FLRT2: variants seen among roughly 807,000 people sequenced by gnomAD.
The protein encoded by FLRT2 is fibronectin leucine rich transmembrane protein 2.
Under a neutral mutation model 40.0 loss-of-function variants are expected in FLRT2, and 15 were observed. The ratio of observed to expected loss-of-function variants is 0.38; its 90% confidence interval spans 0.25 to 0.58. The LOEUF (loss-of-function observed/expected upper bound fraction) is 0.58. Among genes scored for constraint, FLRT2 ranks in the 20% least tolerant of loss-of-function variants. FLRT2 has a pLI of 0.71. For synonymous variants in FLRT2, 380 were observed against 336.8 expected (o/e 1.13, Z -1.41); for missense variants, 726 against 840.0 (o/e 0.86, Z 1.68).
At position 85,643,689 on chromosome 14, in the gene FLRT2, G is replaced by A. The variant is rs1240032045; in HGVS notation, c.*20192G>A. 2.0e-5 allele frequency: 3 copies of A among 151,906 alleles called. No individual in the cohort carries two copies. The highest frequency in any genetic ancestry group is 4.4e-5 in the Non-Finnish European group (3 of 68,056). The allele number at this position is 151,906 out of a possible 1,614,324, so 9.4% of individuals were successfully genotyped here. A position where few individuals can be genotyped will look rare whatever the true frequency, so the allele number is the denominator to read the frequency against. On this transcript the variant is annotated 3_prime_UTR_variant, in exon 2 of 2. Coordinates refer to ENST00000330753, the MANE Select transcript of FLRT2 (RefSeq NM_013231.6). ...TTTACAGGCGTGAGCCATTGCACCT[G>A]GCCAGAGGGTGTTTCTTTAAGGCAT...
At chr14:85,544,294 T>G (rs941791702) in intron 1 of FLRT2, among the ~76,000 whole-genome samples, 6 of 152,218 alleles carry the variant, frequency 3.9e-5, no homozygotes, top group Non-Finnish European at 8.8e-5. Flanking sequence ...GTTTAAAGAA[T>G]AATAATTTCG....
rs1477533951 is a variant in FLRT2 at position 85,623,185 on chromosome 14, C to G, written c.1671C>G (p.Val557=). ...IGGAVIFVLV[V]LLSVFCWHMH... Reference sequence around the variant, plus strand: ...GCGCGGTGATATTTGTGCTGGTGGTCTTGCTCAGCGTCTTTTGCTGGCATA... The same window carrying G: ...GCGCGGTGATATTTGTGCTGGTGGTGTTGCTCAGCGTCTTTTGCTGGCATA... The change falls in exon 2 of 2, where the codon GTC becomes GTG. Residue 557 remains valine, a synonymous_variant. Transcript: ENST00000330753. The G allele has an allele frequency of 3.9e-6, 6 of 1,556,312 alleles. No homozygotes were observed. Among genetic ancestry groups the G allele is most frequent in the Non-Finnish European group, 5.2e-6 (6 of 1,151,722 alleles).
intron 1 of FLRT2, among the ~76,000 whole-genome samples, chr14:85,592,567 T>A (rs1891939201): frequency 6.6e-6 from 1 of 151,960 alleles, no homozygotes. Flanking sequence ...GGTGAGCAGA[T>A]CACCTGAGGT....
intron 1 of FLRT2, among the ~76,000 whole-genome samples, chr14:85,537,273 G>A (rs61981998): frequency 0.057 from 8,692 of 152,194 alleles, 340 homozygotes; most frequent in Non-Finnish European, 0.088. Flanking sequence ...GAATTTCTTA[G>A]GTGGGTGGAT....
intron 1 of FLRT2, among the ~76,000 whole-genome samples, chr14:85,561,656 CA>C (rs1242684189): frequency 2.0e-5 from 3 of 152,166 alleles, no homozygotes; most frequent in Admixed American, 6.5e-5. Flanking sequence ...GTTATTACAG[CA>C]AATGATACTG....
chr14:85,585,378 C>T (rs1208382362), intron 1 of FLRT2, among the ~76,000 whole-genome samples: 1 of 152,184 alleles, frequency 6.6e-6, no homozygotes, highest in African/African-American at 2.4e-5. Context: ...ATTGTCACTG[C>T]GTTCAGGCTG....
At chr14:85,578,767 T>G (rs1214680070) in intron 1 of FLRT2, among the ~76,000 whole-genome samples, 1 of 152,050 alleles carries the variant, frequency 6.6e-6, no homozygotes, top group Non-Finnish European at 1.5e-5. Flanking sequence ...ATTGAATAAA[T>G]GCACACACAA....
In FLRT2 at chr14:85,642,342, C is replaced by T. The variant is rs1894169252; in HGVS notation, c.*18845C>T. On this transcript the variant is annotated 3_prime_UTR_variant, in exon 2 of 2. Coordinates refer to ENST00000330753, the MANE Select transcript of FLRT2 (RefSeq NM_013231.6). ...TCTGACTATACTGAACCCCCAAGTC[C>T]GATGAGCCTTCTTTGCCAGTAGAAC... The T allele has an allele frequency of 6.6e-6, 1 of 152,028 alleles. No homozygotes were observed. Among genetic ancestry groups the T allele is most frequent in the African/African-American group, 2.4e-5 (1 of 41,396 alleles). 9.4% of individuals were successfully genotyped at this position (152,028 alleles called of 1,614,324 possible). A position where few individuals can be genotyped will look rare whatever the true frequency, so the allele number is the denominator to read the frequency against.
intron 1 of FLRT2, among the ~76,000 whole-genome samples, chr14:85,609,829 A>G (rs1309409135): frequency 6.6e-6 from 1 of 152,236 alleles, no homozygotes. Context: ...CTATTGCACT[A>G]GTAACTTTTT....
In FLRT2 at chr14:85,639,063, T is replaced by C. The variant is rs1894081342; in HGVS notation, c.*15566T>C. The C allele has an allele frequency of 1.3e-5, 2 of 152,192 alleles. No individual in the cohort carries two copies. Among genetic ancestry groups the C allele is most frequent in the African/African-American group, 2.4e-5 (1 of 41,448 alleles). 9.4% of individuals were successfully genotyped at this position (152,192 alleles called of 1,614,324 possible). On this transcript the variant is annotated 3_prime_UTR_variant, in exon 2 of 2. Coordinates refer to ENST00000330753, the MANE Select transcript of FLRT2 (RefSeq NM_013231.6). ...TAGGATAAGTGTCGTCTCTTGTAGA[T>C]AGATAAAAACTAAACTGAAACCAAA...
chr14:85,570,557 TTTATTTTATTTA>T (rs1890842018), intron 1 of FLRT2, among the ~76,000 whole-genome samples: 1 of 132,298 alleles, frequency 7.6e-6, no homozygotes, highest in African/African-American at 2.8e-5. Flanking sequence ...CTTATTTTTA[TTTATTTTATTTA>T]TTTATTTATT....
intron 1 of FLRT2, among the ~76,000 whole-genome samples, chr14:85,592,372 C>CT (rs965513596): frequency 3.9e-5 from 6 of 151,936 alleles, no homozygotes; most frequent in African/African-American, 7.3e-5. Context: ...ACTCACCTTT[C>CT]TTTTTTTTAT....
chr14:85,555,405 T>C (rs746125004), intron 1 of FLRT2, among the ~76,000 whole-genome samples: 1 of 152,046 alleles, frequency 6.6e-6, no homozygotes. Flanking sequence ...AGCCTCACAA[T>C]CATAGTGGAA....
chr14:85,574,428 A>G (rs961233461), intron 1 of FLRT2, among the ~76,000 whole-genome samples: 1 of 152,134 alleles, frequency 6.6e-6, no homozygotes, highest in African/African-American at 2.4e-5. Context: ...AGCCAGGAAA[A>G]TCTCAATTCT....
At chr14:85,543,979 T>A (rs2139813965) in intron 1 of FLRT2, among the ~76,000 whole-genome samples, 1 of 152,352 alleles carries the variant, frequency 6.6e-6, no homozygotes, top group Non-Finnish European at 1.5e-5. Flanking sequence ...TCTGTGGTGC[T>A]AACAGAGTTG....
rs1158469503 is a variant in FLRT2 at position 85,624,731 on chromosome 14, C to G, written c.*1234C>G. 2.4e-5 allele frequency: 4 copies of G among 166,862 alleles called. No homozygotes were observed. Among genetic ancestry groups the G allele is most frequent in the African/African-American group, 9.7e-5 (4 of 41,400 alleles). The allele number at this position is 166,862 out of a possible 1,614,324, so 10.3% of individuals were successfully genotyped here. On this transcript the variant is annotated 3_prime_UTR_variant, in exon 2 of 2. Transcript: ENST00000330753. The stretch of plus-strand genomic sequence containing the variant: ...GTATTTCAAGGAAAATTATGGATGC[C>G]AGTCTTGGCTGCACAAGATATCCAT...
intron 1 of FLRT2, among the ~76,000 whole-genome samples, chr14:85,582,744 T>G (rs1421796178): frequency 6.6e-6 from 1 of 152,118 alleles, no homozygotes; most frequent in Non-Finnish European, 1.5e-5. Flanking sequence ...ACTAATATAG[T>G]CCTTGTATGG....
At chr14:85,547,354 G>A (rs554424533) in intron 1 of FLRT2, among the ~76,000 whole-genome samples, 22 of 140,288 alleles carry the variant, frequency 1.6e-4, no homozygotes, top group Non-Finnish European at 2.6e-4. Context: ...ATGGAGTTTC[G>A]CTCTTTCGCC....
At chr14:85,612,695 T>C (rs1490364599) in intron 1 of FLRT2, among the ~76,000 whole-genome samples, 1 of 152,206 alleles carries the variant, frequency 6.6e-6, no homozygotes, top group Non-Finnish European at 1.5e-5. Flanking sequence ...ATGACAGGTG[T>C]TCTGAAGATG....
Sources: allele counts gnomAD v4.1 joint callset (sites outside exome capture counted in the v4.1 genomes callset), GRCh38; gene constraint gnomAD v4.1.1; transcripts MANE v1.5; gene names NCBI Gene and HGNC (gene_info 2026-07-23, HGNC 2026-07-21).